The following PIK3CB variants were observed in gnomAD, a reference collection of about 807,000 sequenced individuals.
PIK3CB encodes phosphatidylinositol 4,5-bisphosphate 3-kinase catalytic subunit beta isoform.
In PIK3CB, 39 loss-of-function variants were observed where a neutral mutation model predicts 136.8. That is an observed-to-expected ratio of 0.29 (90% confidence interval 0.22 to 0.37). The LOEUF (loss-of-function observed/expected upper bound fraction) is 0.37. PIK3CB is among the 10% of genes least tolerant of loss of function. The probability of loss-of-function intolerance (pLI) is 1.00; values close to 1 mark genes in which losing one functional copy is unlikely to be tolerated. For synonymous variants in PIK3CB, 428 were observed against 436.6 expected, an observed-to-expected ratio of 0.98 and a Z score of 0.25; for missense variants, 868 against 1,275.4, an observed-to-expected ratio of 0.68 and a Z score of 4.87.
At chr3:138,798,818 C>CT (rs2046138217) in intron 1 of PIK3CB, among the ~76,000 whole-genome samples, 1 of 152,068 alleles carries the variant, frequency 6.6e-6, no homozygotes, top group African/African-American at 2.4e-5. Flanking sequence ...CCCAAGATCT[C>CT]TAACACTAGT....
chr3:138,657,553 A>C (rs2043212938), intron 22 of PIK3CB, 137 bp downstream of exon 22: 2 of 689,098 alleles, frequency 2.9e-6, no homozygotes, highest in Admixed American at 7.0e-5. Context: ...CTGACAGGCA[A>C]ATTCCCCCAA....
intron 8 of PIK3CB, among the ~76,000 whole-genome samples, chr3:138,723,865 T>C (rs1382762832): frequency 6.6e-6 from 1 of 152,144 alleles, no homozygotes; most frequent in African/African-American, 2.4e-5. Context: ...CCTTAGATAT[T>C]AGACACAAAA....
chr3:138,785,108 C>T (rs1183585129), intron 2 of PIK3CB, among the ~76,000 whole-genome samples: 1 of 151,542 alleles, frequency 6.6e-6, no homozygotes, highest in Non-Finnish European at 1.5e-5. Context: ...TGGGGGGCAG[C>T]CCCCGCTCGG....
intron 1 of PIK3CB, among the ~76,000 whole-genome samples, chr3:138,802,512 C>T (rs1433914875): frequency 2.6e-5 from 4 of 151,548 alleles, no homozygotes; most frequent in Non-Finnish European, 5.9e-5. Flanking sequence ...TACAAGTTCC[C>T]TTGCCTGTGG....
At chr3:138,808,321 A>G (rs1363691749) in intron 1 of PIK3CB, among the ~76,000 whole-genome samples, 1 of 152,176 alleles carries the variant, frequency 6.6e-6, no homozygotes, top group Non-Finnish European at 1.5e-5. Context: ...CCTCTCATGT[A>G]ATATGTAAAC....
At chr3:138,671,390 C>T (rs1022204796) in intron 19 of PIK3CB, among the ~76,000 whole-genome samples, 3 of 152,004 alleles carry the variant, frequency 2.0e-5, no homozygotes, top group African/African-American at 2.4e-5. Context: ...GGAACAAAGT[C>T]GATCACACGT....
chr3:138,704,303 A>T, intron 12 of PIK3CB, 140 bp downstream of exon 12: 1 of 681,576 alleles, frequency 1.5e-6, no homozygotes, highest in East Asian at 2.5e-5. Context: ...AAACACTATC[A>T]TGTGCATACT....
intron 8 of PIK3CB, among the ~76,000 whole-genome samples, chr3:138,727,515 C>T (rs1357971234): frequency 3.3e-5 from 5 of 152,204 alleles, no homozygotes. Context: ...CAACAGCCAG[C>T]AGGGAATTGG....
intron 2 of PIK3CB, among the ~76,000 whole-genome samples, chr3:138,760,111 A>G (rs960088910): frequency 6.6e-6 from 1 of 151,992 alleles, no homozygotes; most frequent in African/African-American, 2.4e-5. Context: ...TTTAGTAGAG[A>G]CGGGGTTTCA....
intron 17 of PIK3CB, 151 bp downstream of exon 17, chr3:138,684,474 A>G (rs2043841908): frequency 2.1e-6 from 1 of 471,658 alleles, no homozygotes; most frequent in African/African-American, 2.0e-5. Context: ...CCTATTGAAT[A>G]TAAGCATAGC....
chr3:138,696,880 G>A (rs1167840149), intron 13 of PIK3CB, among the ~76,000 whole-genome samples: 1 of 151,968 alleles, frequency 6.6e-6, no homozygotes, highest in Non-Finnish European at 1.5e-5. Context: ...CATATCTCCA[G>A]TTAATACTTG....
At chr3:138,672,197 C>T (rs915863315) in intron 19 of PIK3CB, among the ~76,000 whole-genome samples, 5 of 151,952 alleles carry the variant, frequency 3.3e-5, no homozygotes, top group African/African-American at 9.7e-5. Flanking sequence ...GACTGGAACT[C>T]GAAATATCTT....
At chr3:138,816,360 A>C (rs1394215244) in intron 1 of PIK3CB, among the ~76,000 whole-genome samples, 1 of 151,644 alleles carries the variant, frequency 6.6e-6, no homozygotes, top group Non-Finnish European at 1.5e-5. Context: ...TTGGGAGACC[A>C]AGGCGGGTGG....
At chr3:138,667,622 C>T (rs1200855864) in intron 19 of PIK3CB, among the ~76,000 whole-genome samples, 3 of 151,024 alleles carry the variant, frequency 2.0e-5, no homozygotes, top group East Asian at 4.0e-4. Context: ...AGTGCAGTGG[C>T]GCAATCTCGG....
chr3:138,757,837 G>GA (rs1330992694), intron 3 of PIK3CB, among the ~76,000 whole-genome samples: 1 of 152,160 alleles, frequency 6.6e-6, no homozygotes, highest in East Asian at 1.9e-4. Context: ...AGCCACTGTG[G>GA]AAAACAGTGT....
At chr3:138,759,779 G>A (rs1191946849) in intron 2 of PIK3CB, among the ~76,000 whole-genome samples, 1 of 152,102 alleles carries the variant, frequency 6.6e-6, no homozygotes, top group Non-Finnish European at 1.5e-5. Flanking sequence ...CACTTGACAG[G>A]TGATTTTTCT....
intron 9 of PIK3CB, among the ~76,000 whole-genome samples, chr3:138,713,184 T>A (rs1049692016): frequency 2.0e-5 from 3 of 147,060 alleles, no homozygotes; most frequent in African/African-American, 7.4e-5. Flanking sequence ...TTTAGGGTAT[T>A]TTTTTTTTTT....
intron 2 of PIK3CB, chr3:138,778,637 G>C (rs1488912753): frequency 4.9e-6 from 1 of 203,098 alleles, no homozygotes; most frequent in African/African-American, 2.4e-5. Flanking sequence ...GGCATCCTGG[G>C]CTACTCTGAG....
At chr3:138,720,847 G>A (rs1377646334) in intron 8 of PIK3CB, among the ~76,000 whole-genome samples, 1 of 152,048 alleles carries the variant, frequency 6.6e-6, no homozygotes, top group Non-Finnish European at 1.5e-5. Flanking sequence ...CAGCCTGGGT[G>A]ACAGAGCAAG....
Sources: allele counts gnomAD v4.1 joint callset (sites outside exome capture counted in the v4.1 genomes callset), GRCh38; gene constraint gnomAD v4.1.1; transcripts MANE v1.5; gene names NCBI Gene and HGNC (gene_info 2026-07-23, HGNC 2026-07-21).